The following CNTN6 variants were observed in gnomAD, a reference collection of about 807,000 sequenced individuals.
The protein encoded by CNTN6 is contactin 6.
In CNTN6, 137 loss-of-function variants were observed where a neutral mutation model predicts 122.8. The observed-to-expected ratio is 1.12, with a 90% CI of 0.97 to 1.29. The LOEUF (loss-of-function observed/expected upper bound fraction) is 1.29. Ranked by LOEUF, CNTN6 falls within the 50% of genes most tolerant of loss-of-function variation. The pLI is 0.00. For synonymous variants in CNTN6, 570 were observed against 426.0 expected, an observed-to-expected ratio of 1.34 and a Z score of -4.16; for missense variants, 1,634 against 1,223.4, an observed-to-expected ratio of 1.34 and a Z score of -5.01.
At chr3:1,239,428 AAAAC>A (rs4065527) in intron 4 of CNTN6, among the ~76,000 whole-genome samples, 2 of 151,672 alleles carry the variant, frequency 1.3e-5, no homozygotes, top group Non-Finnish European at 2.9e-5. Context: ...AATATCTGCA[AAAAC>A]AAACAAACAA....
intron 2 of CNTN6, among the ~76,000 whole-genome samples, chr3:1,178,365 A>G (rs780989029): frequency 2.0e-4 from 30 of 152,112 alleles, no homozygotes; most frequent in Non-Finnish European, 3.5e-4. Context: ...TGTCAAGTCT[A>G]CTGATAAGAT....
intron 7 of CNTN6, among the ~76,000 whole-genome samples, chr3:1,306,643 G>T (rs1007157378): frequency 2.0e-4 from 27 of 132,830 alleles, no homozygotes; most frequent in Non-Finnish European, 3.0e-4. Flanking sequence ...AGGCAAAAAT[G>T]ATAGAGAGAG....
intron 4 of CNTN6, among the ~76,000 whole-genome samples, chr3:1,241,506 A>T (rs1367416011): frequency 6.6e-6 from 1 of 152,104 alleles, no homozygotes; most frequent in Non-Finnish European, 1.5e-5. Context: ...TTTTGGATGA[A>T]TTGAGAAGCT....
At chr3:1,210,978 G>A (rs1318333279) in intron 2 of CNTN6, among the ~76,000 whole-genome samples, 1 of 152,210 alleles carries the variant, frequency 6.6e-6, no homozygotes, top group Non-Finnish European at 1.5e-5. Context: ...ACCATTCAGT[G>A]TAAATGTGAC....
chr3:1,231,223 C>T (rs571196340), intron 4 of CNTN6, among the ~76,000 whole-genome samples: 7 of 152,290 alleles, frequency 4.6e-5, no homozygotes, highest in South Asian at 2.1e-4. Context: ...ATGAGATTGC[C>T]GATCTACTTA....
rs578241733 is a variant in CNTN6, at chr3:1,388,261, C to T, written c.2704+2464C>T. Among the ~76,000 whole-genome samples the T allele has an allele frequency of 2.4e-3, 360 of 148,782 alleles. 4 individuals carry two copies. Among genetic ancestry groups the T allele is most frequent in the African/African-American group, 6.4e-3 (260 of 40,368 alleles). On this transcript the variant is annotated intron_variant, in intron 20 of 22. Transcript: ENST00000446702. ...TCAAGTGGGTCCCTGACCCCTGACC[C>T]CCGAGCAGCCTAACTGGGAGGCACC...
At chr3:1,290,300 G>A (rs1332418102) in intron 5 of CNTN6, among the ~76,000 whole-genome samples, 4 of 152,146 alleles carry the variant, frequency 2.6e-5, no homozygotes, top group Non-Finnish European at 4.4e-5. Flanking sequence ...ATTTATCTAT[G>A]AAGTTCTTAA....
At chr3:1,378,117 C>T (rs1378961941) in intron 17 of CNTN6, among the ~76,000 whole-genome samples, 2 of 151,904 alleles carry the variant, frequency 1.3e-5, no homozygotes, top group East Asian at 3.9e-4. Context: ...GGATAGAGTC[C>T]CCTTGAAGGC....
intron 5 of CNTN6, among the ~76,000 whole-genome samples, chr3:1,292,778 T>G (rs1292092578): frequency 6.6e-6 from 1 of 152,146 alleles, no homozygotes; most frequent in Non-Finnish European, 1.5e-5. Flanking sequence ...CAATTTAAAA[T>G]TATAATACGA....
At chr3:1,393,392 C>T (rs1694492026) in intron 20 of CNTN6, among the ~76,000 whole-genome samples, 1 of 116,880 alleles carries the variant, frequency 8.6e-6, no homozygotes, top group African/African-American at 3.4e-5. Flanking sequence ...GAATATCACA[C>T]TCTGGGGACT....
chr3:1,313,421 C>G (rs1559793572), intron 7 of CNTN6, among the ~76,000 whole-genome samples: 1 of 152,010 alleles, frequency 6.6e-6, no homozygotes, highest in Non-Finnish European at 1.5e-5. Flanking sequence ...ATTTACTAAG[C>G]CTTATTTATG....
rs1456693872 is a variant in CNTN6, at chr3:1,263,900, G to C, written c.359-14513G>C. On this transcript the variant is annotated intron_variant, in intron 4 of 22. Coordinates refer to ENST00000446702, the MANE Select transcript of CNTN6 (RefSeq NM_001289080.2). ...TTAGCCAAGGGAGGGTTCACTATGTGGTAGTAGCAAGTAGGCTGAGATCTA... is the reference window on the plus strand; with the variant it reads ...TTAGCCAAGGGAGGGTTCACTATGTCGTAGTAGCAAGTAGGCTGAGATCTA... Among the ~76,000 whole-genome samples the C allele has an allele frequency of 2.0e-5, 3 of 151,730 alleles. No homozygotes were observed. In the East Asian group the frequency reaches 5.8e-4, roughly 30 times the overall value.
In CNTN6 at chr3:1,165,644, T is replaced by C. The variant is rs182389360; in HGVS notation, c.55+17581T>C. Among the ~76,000 whole-genome samples the C allele has an allele frequency of 2.6e-3, 397 of 152,350 alleles. 1 individual carries two copies. The highest frequency in any genetic ancestry group is 9.0e-3 in the African/African-American group (373 of 41,592). ...ACAACAGCTACCTGCATTGACCATT[T>C]AGTAGCTGCTGAGTATCTCACTAGT... On this transcript the variant is annotated intron_variant, in intron 2 of 22. Coordinates refer to ENST00000446702, the MANE Select transcript of CNTN6 (RefSeq NM_001289080.2).
At chr3:1,283,406 C>T (rs909526793) in intron 5 of CNTN6, among the ~76,000 whole-genome samples, 4 of 152,070 alleles carry the variant, frequency 2.6e-5, no homozygotes, top group Admixed American at 6.6e-5. Context: ...TTCAGTCACT[C>T]GTCACAAAAA....
chr3:1,257,776 G>A (rs115101191), intron 4 of CNTN6, among the ~76,000 whole-genome samples: 9 of 152,272 alleles, frequency 5.9e-5, no homozygotes, highest in Admixed American at 1.3e-4. Context: ...AAGCTACACC[G>A]AAGGGTCATA....
chr3:1,257,709 C>G (rs964147650), intron 4 of CNTN6, among the ~76,000 whole-genome samples: 11 of 152,124 alleles, frequency 7.2e-5, no homozygotes, highest in African/African-American at 2.2e-4. Flanking sequence ...TCCCTTCACA[C>G]CCCTCCCGGC....
intron 2 of CNTN6, among the ~76,000 whole-genome samples, chr3:1,188,669 A>T (rs761308584): frequency 2.6e-5 from 4 of 152,238 alleles, no homozygotes; most frequent in Non-Finnish European, 4.4e-5. Flanking sequence ...TCAAAAGTGA[A>T]TATTGCCAAG....
Position 1,298,897 on chromosome 3 carries a change from A to G in CNTN6, c.761+906A>G, listed in dbSNP as rs539185024. Among the ~76,000 whole-genome samples the G allele has an allele frequency of 2.0e-3, 304 of 152,202 alleles. 1 individual carries two copies. Among genetic ancestry groups the G allele is most frequent in the African/African-American group, 7.0e-3 (292 of 41,542 alleles). ...CTCGGAGGGCTTACCTCTAAATCCA[A>G]AGTCTATTCCTAATGTGGCCCTCAC... On this transcript the variant is annotated intron_variant, in intron 7 of 22. Coordinates refer to ENST00000446702, the MANE Select transcript of CNTN6 (RefSeq NM_001289080.2).
intron 4 of CNTN6, among the ~76,000 whole-genome samples, chr3:1,268,403 C>T (rs897249622): frequency 3.9e-5 from 6 of 152,120 alleles, no homozygotes; most frequent in African/African-American, 7.2e-5. Context: ...GTCAGGAGAT[C>T]GAGACCATCC....
Sources: allele counts gnomAD v4.1 joint callset (sites outside exome capture counted in the v4.1 genomes callset), GRCh38; gene constraint gnomAD v4.1.1; transcripts MANE v1.5; gene names NCBI Gene and HGNC (gene_info 2026-07-23, HGNC 2026-07-21).